LAMP5: variants seen among roughly 807,000 people sequenced by gnomAD.
LAMP5 encodes lysosome-associated membrane glycoprotein 5.
A neutral mutation model predicts 30.2 loss-of-function variants in LAMP5; 36 were observed. That is an observed-to-expected ratio of 1.19 (90% CI 0.91 to 1.57). The LOEUF is 1.57. Ranked by LOEUF, LAMP5 falls within the 40% of genes most tolerant of loss-of-function variation. The pLI, the probability that LAMP5 is intolerant of heterozygous loss-of-function variation, is 0.00. For missense variants in LAMP5, 377 were observed against 354.9 expected (o/e 1.06, Z -0.50); for synonymous variants, 149 against 134.6 (o/e 1.11, Z -0.74).
intron 5 of LAMP5, among the ~76,000 whole-genome samples, chr20:9,522,667 A>T (rs1603172116): frequency 6.6e-6 from 1 of 152,152 alleles, no homozygotes; most frequent in South Asian, 2.1e-4. Context: ...TGAGCAAACC[A>T]GTGTTTACCC....
chr20:9,516,891 T>C (rs1286973285), intron 4 of LAMP5, among the ~76,000 whole-genome samples: 1 of 152,086 alleles, frequency 6.6e-6, no homozygotes, highest in East Asian at 1.9e-4. Flanking sequence ...CATGTATAAT[T>C]TACTAGCGTT....
At chr20:9,525,331 T>A (rs1402575621) in intron 5 of LAMP5, among the ~76,000 whole-genome samples, 1 of 152,206 alleles carries the variant, frequency 6.6e-6, no homozygotes, top group Non-Finnish European at 1.5e-5. Flanking sequence ...TAGTGAACAA[T>A]GACAGAAAAG....
intron 5 of LAMP5, among the ~76,000 whole-genome samples, chr20:9,518,466 C>T (rs1162398013): frequency 6.6e-6 from 1 of 152,232 alleles, no homozygotes; most frequent in Non-Finnish European, 1.5e-5. Context: ...TCACTTTAGT[C>T]CTTTCTTCTC....
Position 9,514,692 on chromosome 20 carries a change from G to A in LAMP5, c.-161G>A. 5.9e-6 allele frequency: 3 copies of A among 505,738 alleles called. No homozygotes were observed. Among genetic ancestry groups the A allele is most frequent in the East Asian group, 8.5e-5 (2 of 23,460 alleles). The allele number at this position is 505,738 out of a possible 1,614,324, so 31.3% of individuals were successfully genotyped here. On this transcript the variant is annotated 5_prime_UTR_variant, in exon 1 of 6. Coordinates refer to ENST00000246070, the MANE Select transcript of LAMP5 (RefSeq NM_012261.4). ...AGCTGTCGGTGCCGCGCTCGACACC[G>A]AGTCCTAGCTAGGCGCTCACAGAAT...
At chr20:9,521,378 G>A (rs1457113486) in intron 5 of LAMP5, among the ~76,000 whole-genome samples, 1 of 152,156 alleles carries the variant, frequency 6.6e-6, no homozygotes, top group African/African-American at 2.4e-5. Context: ...AGTATGCAAA[G>A]CAGGCAGGCT....
At chr20:9,526,080 C>A (rs2045110444) in intron 5 of LAMP5, among the ~76,000 whole-genome samples, 1 of 152,148 alleles carries the variant, frequency 6.6e-6, no homozygotes, top group South Asian at 2.1e-4. Flanking sequence ...GCCACAAGGG[C>A]AACCTTGTAA....
chr20:9,515,759 A>G, intron 2 of LAMP5, 134 bp downstream of exon 2: 1 of 1,059,902 alleles, frequency 9.4e-7, no homozygotes, highest in Non-Finnish European at 1.4e-6. Flanking sequence ...CGAATGCTGC[A>G]TGGGGATTCC....
intron 5 of LAMP5, among the ~76,000 whole-genome samples, chr20:9,520,201 T>C (rs2045069866): frequency 6.6e-6 from 1 of 152,228 alleles, no homozygotes; most frequent in African/African-American, 2.4e-5. Flanking sequence ...TTATGGCTAA[T>C]AATTAGGATG....
chr20:9,518,404 C>G lies in LAMP5; in HGVS notation c.664+176C>G, dbSNP rs2045057662. 2.6e-5 allele frequency among the ~76,000 whole-genome samples: 4 copies of G among 152,180 alleles called. No individual in the cohort carries two copies. The South Asian group carries it at 6.2e-4, about 24-fold the overall frequency. On this transcript the variant is annotated intron_variant, in intron 5 of 5. Coordinates refer to ENST00000246070, the MANE Select transcript of LAMP5 (RefSeq NM_012261.4). Reference sequence around the variant, plus strand: ...AAAAGCAGTAAGCTGAATGTATGAACTTATCTCAGTAGTTCTTTCTTTCTC... The same window carrying G: ...AAAAGCAGTAAGCTGAATGTATGAAGTTATCTCAGTAGTTCTTTCTTTCTC...
rs2045139674 is a variant in LAMP5 at position 9,529,943 on chromosome 20, ATCT to A, written c.*124_*126del. On this transcript the variant is annotated 3_prime_UTR_variant, in exon 6 of 6. Transcript: ENST00000246070. ...TAGCTACAATCAAACAGGCCTGGGT[ATCT>A]GAGGCTTGCTTGGCTTGTGTCCATG... 24 of 964,898 alleles carry A rather than the reference ATCT, an allele frequency of 2.5e-5. 1 individual carries two copies. The Admixed American group carries it at 3.2e-4, about 13-fold the overall frequency. 59.8% of individuals were successfully genotyped at this position (964,898 alleles called of 1,614,324 possible).
At position 9,529,753 on chromosome 20, in the gene LAMP5, A is replaced by G. The variant is rs2045137753; in HGVS notation, c.776A>G (p.His259Arg). The change falls in exon 6 of 6, where the codon CAC becomes CGC. Residue 259 changes from histidine (H) to arginine (R), a missense_variant. His to Arg is a conservative substitution (Grantham distance 29, BLOSUM62 0). Transcript: ENST00000246070. ...IMVTLAIYHV[H>R]HKMTANQVQI... ...GTAACACTCGCGATTTACCACGTCC[A>G]CCACAAAATGACTGCCAACCAGGTG... 2 of 1,614,088 alleles carry G rather than the reference A, an allele frequency of 1.2e-6. No homozygotes were observed. Among genetic ancestry groups the G allele is most frequent in the African/African-American group, 2.7e-5 (2 of 74,934 alleles).
chr20:9,514,732 T>G lies in LAMP5; in HGVS notation c.-121T>G, dbSNP rs12151948. 133,821 of 745,232 alleles carry G rather than the reference T, an allele frequency of 0.18. 12,782 individuals are homozygous for G. Among genetic ancestry groups the G allele is most frequent in the South Asian group, 0.26 (15,979 of 61,748 alleles). The allele number at this position is 745,232 out of a possible 1,614,324, so 46.2% of individuals were successfully genotyped here. ...GCTCACAGAATACGCGCTCCCTCCC[T>G]CCCCCTTCTCTGTCCCCCGCCTCTC... On this transcript the variant is annotated 5_prime_UTR_variant, in exon 1 of 6. Coordinates refer to ENST00000246070, the MANE Select transcript of LAMP5 (RefSeq NM_012261.4).
At chr20:9,520,730 G>A (rs1290588639) in intron 5 of LAMP5, among the ~76,000 whole-genome samples, 2 of 152,142 alleles carry the variant, frequency 1.3e-5, no homozygotes, top group East Asian at 1.9e-4. Flanking sequence ...TACTGAATAG[G>A]CCTTATGAGA....
intron 5 of LAMP5, among the ~76,000 whole-genome samples, chr20:9,518,542 T>C (rs370402999): frequency 6.6e-6 from 1 of 152,228 alleles, no homozygotes; most frequent in East Asian, 1.9e-4. Context: ...TATTTCATCT[T>C]TCCCTCTCTC....
At position 9,516,277 on chromosome 20, in the gene LAMP5, G is replaced by A. The variant is rs776246013; in HGVS notation, c.391G>A (p.Gly131Arg). Residue 131 changes from glycine to arginine, a missense_variant, in exon 4 of 6, where the codon GGA becomes AGA. By Grantham distance (125) the Gly-to-Arg change is moderately radical. Coordinates refer to ENST00000246070, the MANE Select transcript of LAMP5 (RefSeq NM_012261.4). ...FVKESHNMSK[G>R]PEATWRLSKV... ...ACAGGAAAGCCACAACATGTCCAAG[G>A]GACCTGAGGCGACTTGGAGGCTGAG... is the stretch of plus-strand genomic sequence containing the variant. 1.2e-6 allele frequency: 2 copies of A among 1,614,052 alleles called. No individual in the cohort carries two copies. The highest frequency in any genetic ancestry group is 2.7e-5 in the African/African-American group (2 of 74,914).
intron 5 of LAMP5, among the ~76,000 whole-genome samples, chr20:9,521,172 A>G (rs2045077477): frequency 6.6e-6 from 1 of 152,132 alleles, no homozygotes; most frequent in Non-Finnish European, 1.5e-5. Context: ...ACCATTCAGA[A>G]AAGGAAGAGG....
intron 3 of LAMP5, 27 bp downstream of exon 3, chr20:9,516,158 G>C (rs771616817): frequency 2.5e-6 from 4 of 1,586,060 alleles, no homozygotes; most frequent in Non-Finnish European, 3.4e-6. Context: ...CGGGCAGAGG[G>C]GCCGCAGGCT....
At chr20:9,522,254 A>G (rs140873989) in intron 5 of LAMP5, among the ~76,000 whole-genome samples, 15 of 152,276 alleles carry the variant, frequency 9.9e-5, no homozygotes, top group African/African-American at 1.4e-4. Flanking sequence ...ACGCCACTTA[A>G]TCTGTATTTT....
rs150996396 is a variant in LAMP5 at position 9,530,059 on chromosome 20, G to GGAGGAGGT, written c.*239_*240insGAGGAGGT. On this transcript the variant is annotated 3_prime_UTR_variant, in exon 6 of 6. Transcript: ENST00000246070. ...CCATGCTGGGGAGGAGGGGAGGAGG[G>GGAGGAGGT]TCTCAGACAGCTTTCGTGCTCATGG... The GGAGGAGGT allele has an allele frequency of 8.8e-3, 3,359 of 381,392 alleles. 67 individuals carry two copies. Among genetic ancestry groups the GGAGGAGGT allele is most frequent in the African/African-American group, 0.048 (2,387 of 50,016 alleles). 23.6% of individuals were successfully genotyped at this position (381,392 alleles called of 1,614,324 possible).
Sources: allele counts gnomAD v4.1 joint callset (sites outside exome capture counted in the v4.1 genomes callset), GRCh38; gene constraint gnomAD v4.1.1; transcripts MANE v1.5; gene names NCBI Gene and HGNC (gene_info 2026-07-23, HGNC 2026-07-21).